The following RPS6KC1 variants were observed in gnomAD, a reference collection of about 807,000 sequenced individuals.
RPS6KC1 encodes inactive ribosomal protein S6 kinase delta-1.
RPS6KC1 carries 54 observed loss-of-function variants against 103.8 expected under a neutral mutation model. The observed-to-expected ratio is 0.52, with a 90% CI of 0.42 to 0.65. The LOEUF (loss-of-function observed/expected upper bound fraction) is 0.65. RPS6KC1 is among the 30% of genes least tolerant of loss of function. The pLI is 0.00. For synonymous variants in RPS6KC1, 439 were observed against 438.7 expected (o/e 1.00, Z -0.01); for missense variants, 1,151 against 1,253.8 (o/e 0.92, Z 1.24).
the RPS6KC1 span, among the ~76,000 whole-genome samples, chr1:213,452,681 C>T: frequency 2.0e-5 from 3 of 152,320 alleles, no homozygotes; most frequent in East Asian, 1.9e-4. Flanking sequence ...GCCCCGCCTC[C>T]GCAGCACAGA....
At chr1:213,415,975 T>G in the RPS6KC1 span, among the ~76,000 whole-genome samples, 1 of 152,192 alleles carries the variant, frequency 6.6e-6, no homozygotes, top group Admixed American at 6.5e-5. Flanking sequence ...ACCTGGAAAT[T>G]GACGGAGAAG....
At chr1:213,809,566 C>G in the RPS6KC1 span, among the ~76,000 whole-genome samples, 1 of 152,128 alleles carries the variant, frequency 6.6e-6, no homozygotes, top group African/African-American at 2.4e-5. Context: ...AAACAAAGTA[C>G]ATGTATAATC....
the RPS6KC1 span, among the ~76,000 whole-genome samples, chr1:213,695,193 T>A: frequency 6.6e-6 from 1 of 152,148 alleles, no homozygotes; most frequent in Non-Finnish European, 1.5e-5. Context: ...GAGATGAACC[T>A]TGAAAGATGA....
At chr1:213,708,957 A>G in the RPS6KC1 span, among the ~76,000 whole-genome samples, 4 of 152,104 alleles carry the variant, frequency 2.6e-5, no homozygotes, top group Non-Finnish European at 4.4e-5. Flanking sequence ...GTTCGCCAGT[A>G]TTTTATTGGG....
chr1:213,857,488 G>T, the RPS6KC1 span, among the ~76,000 whole-genome samples: 4 of 152,258 alleles, frequency 2.6e-5, no homozygotes, highest in African/African-American at 7.2e-5. Flanking sequence ...CAACCAGACG[G>T]CAGATCATTT....
the RPS6KC1 span, among the ~76,000 whole-genome samples, chr1:213,478,692 C>T: frequency 3.3e-5 from 5 of 152,042 alleles, no homozygotes; most frequent in Non-Finnish European, 7.4e-5. Flanking sequence ...ATCTTTTGCC[C>T]ATTAAAATAA....
chr1:213,133,258 A>C (rs548082416), intron 6 of RPS6KC1, among the ~76,000 whole-genome samples: 13 of 152,302 alleles, frequency 8.5e-5, no homozygotes, highest in African/African-American at 2.9e-4. Context: ...CATCTTGTTT[A>C]TATATTACTG....
rs546268833 is a variant in RPS6KC1 at position 213,121,163 on chromosome 1, G to T, written c.472+3753G>T. ...TGCCCAGGCAGCTCTCGAACTCTTA[G>T]ACGCAAGTGATTCTCCTGGCCTTGG... On this transcript the variant is annotated intron_variant, in intron 5 of 14. Transcript: ENST00000366960. 1.3e-4 allele frequency among the ~76,000 whole-genome samples: 20 copies of T among 152,258 alleles called. No homozygotes were observed. The South Asian group carries it at 2.5e-3, about 19-fold the overall frequency.
At chr1:213,403,851 C>A in the RPS6KC1 span, among the ~76,000 whole-genome samples, 14 of 151,794 alleles carry the variant, frequency 9.2e-5, no homozygotes, top group African/African-American at 2.9e-4. Flanking sequence ...ATGGGTGAGG[C>A]CTGCCATTCC....
the RPS6KC1 span, among the ~76,000 whole-genome samples, chr1:213,308,394 GT>G: frequency 6.6e-6 from 1 of 151,464 alleles, no homozygotes; most frequent in Admixed American, 6.6e-5. Context: ...ACCTTTACAC[GT>G]TTTTTCTTCT....
chr1:213,687,809 TAGAG>T, the RPS6KC1 span, among the ~76,000 whole-genome samples: 1 of 152,188 alleles, frequency 6.6e-6, no homozygotes, highest in African/African-American at 2.4e-5. Context: ...CTTCTGAGCG[TAGAG>T]AGAGAGATGC....
At chr1:213,781,105 G>A in the RPS6KC1 span, among the ~76,000 whole-genome samples, 8 of 152,158 alleles carry the variant, frequency 5.3e-5, no homozygotes, top group South Asian at 2.1e-4. Flanking sequence ...GTGGCAAATC[G>A]TGGAAACCAA....
At chr1:213,801,232 A>G in the RPS6KC1 span, among the ~76,000 whole-genome samples, 1 of 152,228 alleles carries the variant, frequency 6.6e-6, no homozygotes, top group East Asian at 1.9e-4. Flanking sequence ...AAGAGGTCAA[A>G]TCATATTCAA....
the RPS6KC1 span, among the ~76,000 whole-genome samples, chr1:213,717,832 A>G: frequency 6.6e-6 from 1 of 152,230 alleles, no homozygotes; most frequent in African/African-American, 2.4e-5. Flanking sequence ...CAGAGTTTGT[A>G]GACCAGATTC....
chr1:213,151,816 G>GAT (rs2089024538), intron 6 of RPS6KC1, among the ~76,000 whole-genome samples: 2 of 133,012 alleles, frequency 1.5e-5, no homozygotes, highest in Non-Finnish European at 3.3e-5. Context: ...CGGGGCAGCT[G>GAT]GCCGGGCGAG....
chr1:213,373,875 G>A, the RPS6KC1 span, among the ~76,000 whole-genome samples: 2 of 152,324 alleles, frequency 1.3e-5, no homozygotes, highest in South Asian at 4.1e-4. Context: ...CATTTAGACA[G>A]TGAATTTCCC....
intron 1 of RPS6KC1, among the ~76,000 whole-genome samples, chr1:213,064,249 G>A (rs909092184): frequency 6.6e-6 from 1 of 152,014 alleles, no homozygotes; most frequent in East Asian, 1.9e-4. Context: ...TAGAGGCGGG[G>A]TTTCACCATG....
At chr1:213,409,577 C>A in the RPS6KC1 span, among the ~76,000 whole-genome samples, 1 of 152,114 alleles carries the variant, frequency 6.6e-6, no homozygotes, top group Non-Finnish European at 1.5e-5. Context: ...AAAGGAACAC[C>A]AAGTGTATGT....
the RPS6KC1 span, among the ~76,000 whole-genome samples, chr1:213,609,429 C>T: frequency 7.2e-5 from 11 of 152,296 alleles, no homozygotes; most frequent in South Asian, 4.1e-4. Context: ...TGTGTTGGCA[C>T]TCAGTCCCAT....
Sources: allele counts gnomAD v4.1 joint callset (sites outside exome capture counted in the v4.1 genomes callset), GRCh38; gene constraint gnomAD v4.1.1; transcripts MANE v1.5; gene names NCBI Gene and HGNC (gene_info 2026-07-23, HGNC 2026-07-21).